MSRB3: variants seen among roughly 807,000 people sequenced by gnomAD.
MSRB3 encodes the protein methionine sulfoxide reductase B3.
In MSRB3, 13 loss-of-function variants were observed where a neutral mutation model predicts 21.0. The ratio of observed to expected loss-of-function variants is 0.62; its 90% confidence interval spans 0.40 to 0.98. MSRB3 has a LOEUF of 0.98. MSRB3 is among the 50% of genes least tolerant of loss of function. The pLI is 0.00. For missense variants in MSRB3, 199 were observed against 230.3 expected (o/e 0.86, Z 0.88); for synonymous variants, 87 against 88.6 (o/e 0.98, Z 0.10).
chr12:65,446,121 C>G (rs1237404334), intron 5 of MSRB3, among the ~76,000 whole-genome samples: 1 of 152,158 alleles, frequency 6.6e-6, no homozygotes, highest in African/African-American at 2.4e-5. Context: ...GAAATCATGT[C>G]ATCAGCATAT....
chr12:65,303,275 A>G (rs183058381), intron 1 of MSRB3, among the ~76,000 whole-genome samples: 10 of 152,300 alleles, frequency 6.6e-5, no homozygotes, highest in Admixed American at 4.6e-4. Context: ...TTTTTGGAAG[A>G]TTAGTGTTCA....
At chr12:65,321,409 C>A (rs76997872) in intron 2 of MSRB3, among the ~76,000 whole-genome samples, 2,299 of 152,214 alleles carry the variant, frequency 0.015, 29 homozygotes, top group Non-Finnish European at 0.023. Flanking sequence ...AAGAAAAAAT[C>A]TTGGATCAGT....
At chr12:65,460,701 C>T (rs1302666430) in intron 6 of MSRB3, among the ~76,000 whole-genome samples, 2 of 150,748 alleles carry the variant, frequency 1.3e-5, no homozygotes, top group Non-Finnish European at 3.0e-5. Context: ...AAATAGTTTT[C>T]ATAGTCTTTT....
At chr12:65,451,569 A>G (rs1882858896) in intron 5 of MSRB3, among the ~76,000 whole-genome samples, 1 of 152,086 alleles carries the variant, frequency 6.6e-6, no homozygotes, top group African/African-American at 2.4e-5. Flanking sequence ...CAAGTAACTT[A>G]TCCTTCTGTT....
At chr12:65,357,427 G>C (rs962873774) in intron 4 of MSRB3, among the ~76,000 whole-genome samples, 5 of 151,912 alleles carry the variant, frequency 3.3e-5, no homozygotes, top group Non-Finnish European at 7.4e-5. Flanking sequence ...AATTGAGATA[G>C]TTCAGAGAGT....
At chr12:65,384,132 CA>C (rs1879091444) in intron 5 of MSRB3, among the ~76,000 whole-genome samples, 1 of 152,096 alleles carries the variant, frequency 6.6e-6, no homozygotes, top group Non-Finnish European at 1.5e-5. Flanking sequence ...TATGCATTTT[CA>C]AAGTACTTTA....
chr12:65,446,816 G>A (rs991394489), intron 5 of MSRB3, among the ~76,000 whole-genome samples: 1 of 152,144 alleles, frequency 6.6e-6, no homozygotes. Flanking sequence ...AGTTGTTGCC[G>A]ATGCCCAGCA....
At chr12:65,378,234 C>G (rs987196941) in intron 5 of MSRB3, among the ~76,000 whole-genome samples, 1 of 152,086 alleles carries the variant, frequency 6.6e-6, no homozygotes, top group Non-Finnish European at 1.5e-5. Context: ...ATTACATTAT[C>G]TAACCTGAAG....
chr12:65,405,927 GTTAT>G (rs1332990167), intron 5 of MSRB3, among the ~76,000 whole-genome samples: 1 of 151,688 alleles, frequency 6.6e-6, no homozygotes, highest in Non-Finnish European at 1.5e-5. Context: ...TTTAAATTGG[GTTAT>G]TTATTTTCTT....
intron 2 of MSRB3, among the ~76,000 whole-genome samples, chr12:65,315,431 A>G (rs2136432619): frequency 6.6e-6 from 1 of 152,214 alleles, no homozygotes; most frequent in South Asian, 2.1e-4. Context: ...GCACTTTGAG[A>G]GGCCGAGGTG....
chr12:65,328,280 G>A (rs1449397124), intron 3 of MSRB3, among the ~76,000 whole-genome samples: 1 of 151,250 alleles, frequency 6.6e-6, no homozygotes, highest in Non-Finnish European at 1.5e-5. Flanking sequence ...CTTTTTCTAA[G>A]CATTACATAA....
chr12:65,301,345 T>G (rs1035272015), intron 1 of MSRB3, among the ~76,000 whole-genome samples: 1 of 152,208 alleles, frequency 6.6e-6, no homozygotes, highest in African/African-American at 2.4e-5. Flanking sequence ...GGATCAAAGT[T>G]GGTGCTAGAC....
At chr12:65,293,728 C>T (rs1592495513) in intron 1 of MSRB3, among the ~76,000 whole-genome samples, 1 of 152,176 alleles carries the variant, frequency 6.6e-6, no homozygotes, top group Admixed American at 6.5e-5. Context: ...TTCACTAAGA[C>T]GTAAGCTTCA....
chr12:65,295,360 A>G (rs1317944421), intron 1 of MSRB3, among the ~76,000 whole-genome samples: 1 of 152,202 alleles, frequency 6.6e-6, no homozygotes, highest in Admixed American at 6.5e-5. Flanking sequence ...CTATTGTCGA[A>G]TAGTTGACAT....
chr12:65,445,391 C>T (rs1034312966), intron 5 of MSRB3, among the ~76,000 whole-genome samples: 33 of 149,832 alleles, frequency 2.2e-4, no homozygotes, highest in African/African-American at 7.9e-4. Flanking sequence ...TGCTTAAAAG[C>T]CTTCAGGTGG....
At chr12:65,333,272 G>A (rs1429588124) in intron 4 of MSRB3, among the ~76,000 whole-genome samples, 1 of 152,102 alleles carries the variant, frequency 6.6e-6, no homozygotes, top group East Asian at 1.9e-4. Flanking sequence ...TATAAAATAT[G>A]ACAAAATAAT....
At chr12:65,322,677 AAAAAG>A (rs1289735125) in intron 2 of MSRB3, among the ~76,000 whole-genome samples, 3 of 151,492 alleles carry the variant, frequency 2.0e-5, no homozygotes, top group Non-Finnish European at 4.4e-5. Context: ...AAAAAAAAAA[AAAAAG>A]AAGAAGAAAG....
chr12:65,393,592 C>T (rs1285820961), intron 5 of MSRB3, among the ~76,000 whole-genome samples: 5 of 144,928 alleles, frequency 3.4e-5, no homozygotes, highest in African/African-American at 5.2e-5. Flanking sequence ...GATCACGCCA[C>T]TGCACTCCAG....
intron 6 of MSRB3, among the ~76,000 whole-genome samples, chr12:65,456,911 G>T (rs963762806): frequency 2.0e-5 from 3 of 152,036 alleles, no homozygotes; most frequent in Admixed American, 2.0e-4. Flanking sequence ...CAAGTGGACT[G>T]GGTATCTTTC....
Sources: gnomAD v4.1 joint callset for allele counts (sites outside exome capture counted in the v4.1 genomes callset) on GRCh38, gnomAD v4.1.1 for gene constraint, MANE v1.5 for transcripts, NCBI Gene and HGNC (gene_info 2026-07-23, HGNC 2026-07-21) for gene names.